USP26: variants seen among roughly 807,000 people sequenced by gnomAD.
USP26 encodes the protein ubiquitin specific peptidase 26, also known as ubiquitin carboxyl-terminal hydrolase 26.
For missense variants in USP26, 649 were observed against 642.3 expected (o/e 1.01, Z -0.11); for synonymous variants, 236 against 240.6 (o/e 0.98, Z 0.18).
At chrX:133,074,262 C>G (rs778066146) in intron 5 of USP26, among the ~76,000 whole-genome samples, 1 of 112,316 alleles carries the variant, frequency 8.9e-6, no homozygotes, top group Non-Finnish European at 1.9e-5. Context: ...CTCATCTTAT[C>G]AGGAATTCAA....
At chrX:133,057,986 T>C (rs1216953419) in intron 5 of USP26, among the ~76,000 whole-genome samples, 1 of 94,808 alleles carries the variant, frequency 1.1e-5, no homozygotes, top group Non-Finnish European at 2.1e-5. Flanking sequence ...CACGCTGTTC[T>C]CCTGCTTCAG....
Position 133,027,398 on chromosome X carries a change from C to A in USP26, c.823G>T (p.Gly275Cys). Residue 275 changes from glycine (G) to cysteine (C), a missense_variant, in exon 6 of 6, where the codon GGT (glycine) becomes TGT (cysteine). By Grantham distance (159) the Gly-to-Cys change is radical. Coordinates refer to ENST00000511190, the MANE Select transcript of USP26 (RefSeq NM_031907.3). ...TTTAATTTATCCCACTTTGTGTAAC[C>A]GTCACTATACCCTTGTTGTAACAGA... is the stretch of plus-strand genomic sequence containing the variant. The part of the protein sequence containing the change: ...VFLLQQGYSD[G>C]YTKWDKLKLF... 8.3e-7 allele frequency: 1 copy of A among 1,211,238 alleles called. No homozygotes were observed.
At chrX:133,062,666 G>A (rs780761492) in intron 5 of USP26, among the ~76,000 whole-genome samples, 1 of 111,432 alleles carries the variant, frequency 9.0e-6, no homozygotes, top group Admixed American at 9.5e-5. Flanking sequence ...TGCAGAAGAG[G>A]GGCCTGTTAG....
rs2067362176 is a variant in USP26 at position 133,028,094 on chromosome X, T to C, written c.127A>G (p.Lys43Glu). ...CGAAAAGTGCTATATTTTCCACTTT[T>C]GAAATACAGCACCAGTCTATCTTTC... Reference protein sequence around the residue: ...KKKDRLVLYFKSGKYSTFRLS... With the variant: ...KKKDRLVLYFESGKYSTFRLS... The change falls in exon 6 of 6, where the codon AAA becomes GAA. Residue 43 changes from lysine to glutamate, a missense_variant. Lys to Glu is a moderately conservative substitution (Grantham distance 56). Coordinates refer to ENST00000511190, the MANE Select transcript of USP26 (RefSeq NM_031907.3). 1 of 1,209,764 alleles carries C rather than the reference T, an allele frequency of 8.3e-7. No individual in the cohort carries two copies. Among genetic ancestry groups the C allele is most frequent in the African/African-American group, 1.7e-5 (1 of 57,294 alleles).
At position 133,026,429 on chromosome X, in the gene USP26, G is replaced by A; in HGVS notation, c.1792C>T (p.Leu598=). The A allele has an allele frequency of 8.3e-7, 1 of 1,207,824 alleles. No individual in the cohort carries two copies. Among genetic ancestry groups the A allele is most frequent in the Non-Finnish European group, 1.1e-6 (1 of 894,589 alleles). Residue 598 remains leucine, a synonymous_variant, in exon 6 of 6, where the codon CTG becomes TTG. Coordinates refer to ENST00000511190, the MANE Select transcript of USP26 (RefSeq NM_031907.3). ...TTATCTGATCCAATGTGTGGAGCCA[G>A]GATATCTTTGGATTCCTTTGTTGCA... is the stretch of plus-strand genomic sequence containing the variant. ...WPATKESKDI[L]APHIGSDKES...
In USP26 at chrX:133,025,471, C is replaced by A; in HGVS notation, c.*8G>T. On this transcript the variant is annotated 3_prime_UTR_variant, in exon 6 of 6. Transcript: ENST00000511190. The stretch of plus-strand genomic sequence containing the variant: ...AGGCAGATCTGTACAAGGAGGAGTA[C>A]GTTCCTCTTATTCCTTCTGAAGGGT... 1 of 1,210,496 alleles carries A rather than the reference C, an allele frequency of 8.3e-7. No homozygotes were observed. Among genetic ancestry groups the A allele is most frequent in the Non-Finnish European group, 1.1e-6 (1 of 895,118 alleles).
At chrX:133,054,966 A>G (rs1332731034) in intron 5 of USP26, among the ~76,000 whole-genome samples, 1 of 112,393 alleles carries the variant, frequency 8.9e-6, no homozygotes, top group Non-Finnish European at 1.9e-5. Context: ...TGCTGCTTAA[A>G]TGCAGATGGC....
chrX:133,088,233 T>A (rs1602992022), intron 4 of USP26, among the ~76,000 whole-genome samples: 1 of 110,978 alleles, frequency 9.0e-6, no homozygotes, highest in East Asian at 2.8e-4. Flanking sequence ...AAAGCAGCAG[T>A]CCCCAACCTT....
At chrX:133,073,242 C>T (rs942047267) in intron 5 of USP26, among the ~76,000 whole-genome samples, 1 of 107,942 alleles carries the variant, frequency 9.3e-6, no homozygotes, top group Middle Eastern at 4.7e-3. Context: ...ATTAAATGTC[C>T]TCAATCTACT....
At chrX:133,062,074 G>A (rs930852327) in intron 5 of USP26, among the ~76,000 whole-genome samples, 20 of 111,688 alleles carry the variant, frequency 1.8e-4, no homozygotes, top group African/African-American at 6.2e-4. Context: ...CGAGCTTGGC[G>A]TGGGGAGGGG....
rs2067341474 is a variant in USP26, at chrX:133,025,422, G to T, written c.*57C>A. On this transcript the variant is annotated 3_prime_UTR_variant, in exon 6 of 6. Transcript: ENST00000511190. ...AGTTCACAGTTTTCCTTCCATGGAG[G>T]AAGTGGTATCGAGTGAGACAGTCAG... The T allele has an allele frequency of 2.5e-6, 3 of 1,206,725 alleles. No homozygotes were observed. The highest frequency in any genetic ancestry group is 4.4e-5 in the Admixed American group (2 of 45,603).
intron 5 of USP26, among the ~76,000 whole-genome samples, chrX:133,060,866 T>C (rs1379982789): frequency 9.0e-6 from 1 of 111,346 alleles, no homozygotes; most frequent in African/African-American, 3.3e-5. Flanking sequence ...AGAAAAAAAA[T>C]CCCAAAAAGT....
chrX:133,052,303 T>A (rs931627821), intron 5 of USP26, among the ~76,000 whole-genome samples: 2 of 111,864 alleles, frequency 1.8e-5, no homozygotes, highest in African/African-American at 6.5e-5. Context: ...CTTAGAGAGT[T>A]CAGGCAGCAC....
intron 5 of USP26, among the ~76,000 whole-genome samples, chrX:133,054,990 A>G (rs764140279): frequency 2.0e-4 from 22 of 112,520 alleles, no homozygotes; most frequent in African/African-American, 6.8e-4. Flanking sequence ...AACTCCAGTT[A>G]CAATGACTGA....
chrX:133,097,002 T>C (rs1014886683), intron 1 of USP26, 28 bp downstream of exon 1: 2 of 112,877 alleles, frequency 1.8e-5, no homozygotes, highest in Non-Finnish European at 3.7e-5. Flanking sequence ...TCAATAACTA[T>C]TACAAATGAA....
At chrX:133,086,437 G>A (rs1428392349) in intron 4 of USP26, among the ~76,000 whole-genome samples, 2 of 110,372 alleles carry the variant, frequency 1.8e-5, no homozygotes, top group Non-Finnish European at 3.8e-5. Context: ...GTGAGACCTT[G>A]TCTCCACAAT....
At chrX:133,070,630 C>A (rs1048755191) in intron 5 of USP26, among the ~76,000 whole-genome samples, 1 of 111,793 alleles carries the variant, frequency 8.9e-6, no homozygotes, top group African/African-American at 3.3e-5. Flanking sequence ...ATATAAATTT[C>A]TCATATGAAT....
chrX:133,064,043 A>T (rs2067503376), intron 5 of USP26, among the ~76,000 whole-genome samples: 1 of 112,346 alleles, frequency 8.9e-6, no homozygotes. Flanking sequence ...ATATTTACCA[A>T]GCAAATGGAA....
chrX:133,078,131 G>T (rs779298572), intron 5 of USP26, among the ~76,000 whole-genome samples: 2 of 110,423 alleles, frequency 1.8e-5, no homozygotes, highest in Non-Finnish European at 3.8e-5. Context: ...TCCCTTGCTT[G>T]CTCCTGCTCT....
Sources: allele counts gnomAD v4.1 joint callset (sites outside exome capture counted in the v4.1 genomes callset), GRCh38; gene constraint gnomAD v4.1.1; transcripts MANE v1.5; gene names NCBI Gene and HGNC (gene_info 2026-07-23, HGNC 2026-07-21).